GRM6: variants seen among roughly 807,000 people sequenced by gnomAD.
The protein encoded by GRM6 is glutamate metabotropic receptor 6.
GRM6 carries 73 observed loss-of-function variants against 78.4 expected under a neutral mutation model. The ratio of observed to expected loss-of-function variants is 0.93; its 90% CI spans 0.77 to 1.13. The LOEUF is 1.13. Among genes scored for constraint, GRM6 ranks in the 50% most tolerant of loss-of-function variants. The pLI is 0.00. For missense variants in GRM6, 1,251 were observed against 1,256.4 expected, an observed-to-expected ratio of 1.00 and a Z score of 0.07; for synonymous variants, 580 against 555.0, an observed-to-expected ratio of 1.05 and a Z score of -0.63.
At chr5:178,982,004 G>A (rs1760404745) in intron 10 of GRM6, 150 bp from the exon 11 acceptor site, 2 of 729,870 alleles carry the variant, frequency 2.7e-6, no homozygotes, top group African/African-American at 3.4e-5. Flanking sequence ...TATGAGCAGG[G>A]GCCCCGCGCC....
Position 178,992,001 on chromosome 5 carries a change from G to A in GRM6, c.587C>T (p.Pro196Leu), listed in dbSNP as rs778017819. The change falls in exon 3 of 11, where the codon CCC becomes CTC. Residue 196 changes from proline (P) to leucine (L), a missense_variant. By Grantham distance (98) the Pro-to-Leu change is moderately conservative. Transcript: ENST00000517717. This position sits in a 1 kb window ranked among gnomAD's most constrained non-coding sequence, Gnocchi z 4.9. ...RYDFFSRVVPPDSYQAQAMVD... is the reference protein window; with the variant it reads ...RYDFFSRVVPLDSYQAQAMVD... ...CATGGCCTGCGCCTGGTAGGAGTCG[G>A]GTGGCACCACCCGGGAGAAGAAGTC... 1 of 1,614,104 alleles carries A rather than the reference G, an allele frequency of 6.2e-7. No homozygotes were observed. The highest frequency in any genetic ancestry group is 2.2e-5 in the East Asian group (1 of 44,874).
chr5:178,981,544 G>C lies in GRM6; in HGVS notation c.*113C>G, dbSNP rs1290309977. 1.2e-6 allele frequency: 1 copy of C among 822,232 alleles called. No homozygotes were observed. The highest frequency in any genetic ancestry group is 2.0e-6 in the Non-Finnish European group (1 of 505,920). The allele number at this position is 822,232 out of a possible 1,614,324, so 50.9% of individuals were successfully genotyped here. ...CCCACCGACGCGGAGCATGGTCTTG[G>C]CAAACTCCCTGCCACTGACTGTTCA... On this transcript the variant is annotated 3_prime_UTR_variant, in exon 11 of 11. Coordinates refer to ENST00000517717, the MANE Select transcript of GRM6 (RefSeq NM_000843.4). This position sits in a 1 kb window ranked among gnomAD's most constrained non-coding sequence, Gnocchi z 5.1.
At position 178,994,770 on chromosome 5, in the gene GRM6, G is replaced by GCCCGCACGCCCGGCCCGCCGCGC. The variant is rs1760743459; in HGVS notation, c.152_174dup (p.Gln59AlafsTer10). The GCCCGCACGCCCGGCCCGCCGCGC allele has an allele frequency of 1.5e-6, 2 of 1,364,204 alleles. No individual in the cohort carries two copies. Among genetic ancestry groups the GCCCGCACGCCCGGCCCGCCGCGC allele is most frequent in the African/African-American group, 1.5e-5 (1 of 66,122 alleles). 84.5% of individuals were successfully genotyped at this position (1,364,204 alleles called of 1,614,324 possible). On this transcript the variant is annotated frameshift_variant, in exon 2 of 11. Coordinates refer to ENST00000517717, the MANE Select transcript of GRM6 (RefSeq NM_000843.4). LOFTEE classifies it high-confidence loss of function. Reference sequence around the variant, plus strand: ...TGCACGCCCTGCTCCTTCTTCAGCTGCCCGCACGCCCGGCCCGCCGCGCCC... The same window carrying GCCCGCACGCCCGGCCCGCCGCGC: ...TGCACGCCCTGCTCCTTCTTCAGCTGCCCGCACGCCCGGCCCGCCGCGCCCCGCACGCCCGGCCCGCCGCGCCC...
rs754475767 is a variant in GRM6 at position 178,981,828 on chromosome 5, G to T, written c.2463C>A (p.Thr821=). ...CCGAGGCACTCAGGCTCAAGGACAC[G>T]GTTAGCGTGGTTGTCTGGATGTAGA... ...EKIYIQTTTL[T]VSLSLSASVS... is the part of the protein sequence containing the mutation. The change falls in exon 11 of 11, where the codon ACC becomes ACA. Residue 821 remains threonine, a synonymous_variant. Coordinates refer to ENST00000517717, the MANE Select transcript of GRM6 (RefSeq NM_000843.4). The surrounding 1 kb of genome is among the most constrained non-coding windows in gnomAD (Gnocchi z 5.1). The T allele has an allele frequency of 6.2e-7, 1 of 1,612,360 alleles. No individual in the cohort carries two copies. Among genetic ancestry groups the T allele is most frequent in the East Asian group, 2.2e-5 (1 of 44,858 alleles).
chr5:178,989,211 A>AGCCCCCCC, intron 6 of GRM6, 54 bp downstream of exon 6: 4 of 121,696 alleles, frequency 3.3e-5, no homozygotes, highest in Non-Finnish European at 5.3e-5. Flanking sequence ...CCCCCTCCCC[A>AGCCCCCCC]CCCTCACCAC....
Position 178,983,191 on chromosome 5 carries a change from G to A in GRM6, c.2155C>T (p.Arg719Trp), listed in dbSNP as rs553937496. 5.6e-6 allele frequency: 9 copies of A among 1,612,714 alleles called. No individual in the cohort carries two copies. The highest frequency in any genetic ancestry group is 4.5e-5 in the East Asian group (2 of 44,860). The change falls in exon 10 of 11, where the codon CGG becomes TGG. Residue 719 changes from arginine (R) to tryptophan (W), a missense_variant. Physicochemically the swap from Arg to Trp is moderately radical, Grantham distance 101. Transcript: ENST00000517717. ...VVGMIAWLGA[R>W]PPHSVIDYEE... is the part of the protein sequence containing the mutation. ...TAGTCAATCACGCTGTGTGGGGGCC[G>A]GGCCCCCAGCCATGCTATCATCCCC...
intron 9 of GRM6, among the ~76,000 whole-genome samples, chr5:178,984,747 G>A (rs948732585): frequency 7.2e-5 from 11 of 152,226 alleles, no homozygotes; most frequent in African/African-American, 1.7e-4. Context: ...TCCTAGTCAC[G>A]GAGAACTGCA....
At chr5:178,985,294 C>T (rs180880677) in intron 9 of GRM6, 21 of 456,064 alleles carry the variant, frequency 4.6e-5, no homozygotes, top group Admixed American at 3.8e-4. Flanking sequence ...TCTGGAGGCC[C>T]ACACTCCCCA....
In GRM6 at chr5:178,981,255, A is replaced by G. The variant is rs1281149314; in HGVS notation, c.*402T>C. ...AACCCCATGTTTCATTCTGGGGTCTACACGTTCTTCCACACTGCCCAATCC... is the reference window on the plus strand; with the variant it reads ...AACCCCATGTTTCATTCTGGGGTCTGCACGTTCTTCCACACTGCCCAATCC... On this transcript the variant is annotated 3_prime_UTR_variant, in exon 11 of 11. Transcript: ENST00000517717. The surrounding 1 kb of genome is among the most constrained non-coding windows in gnomAD (Gnocchi z 5.1). The G allele has an allele frequency of 1.3e-5, 3 of 223,782 alleles. No homozygotes were observed. The highest frequency in any genetic ancestry group is 6.8e-5 in the African/African-American group (3 of 43,984). 13.9% of individuals were successfully genotyped at this position (223,782 alleles called of 1,614,324 possible).
rs1760693993 is a variant in GRM6 at position 178,992,348 on chromosome 5, G to A, written c.505-265C>T. 1.6e-6 allele frequency: 1 copy of A among 611,950 alleles called. No homozygotes were observed. The highest frequency in any genetic ancestry group is 3.1e-6 in the Non-Finnish European group (1 of 326,438). The allele number at this position is 611,950 out of a possible 1,614,324, so 37.9% of individuals were successfully genotyped here. ...TGGGAGGTATGCAGGGCTGGGGAGA[G>A]GGCAGGACCGCCACATATACTGGTA... On this transcript the variant is annotated intron_variant, in intron 2 of 10. Transcript: ENST00000517717. This position sits in a 1 kb window ranked among gnomAD's most constrained non-coding sequence, Gnocchi z 4.9.
In GRM6 at chr5:178,994,872, CCGCCTGCGCCAGCCA is replaced by C. The variant is rs1189206125; in HGVS notation, c.58_72del (p.Trp20_Ala24del). The C allele has an allele frequency of 2.0e-4, 240 of 1,205,028 alleles. No individual in the cohort carries two copies. In the African/African-American group the frequency reaches 3.6e-3, roughly 18 times the overall value. The allele number at this position is 1,205,028 out of a possible 1,614,324, so 74.6% of individuals were successfully genotyped here. Reference sequence around the variant, plus strand: ...ACAGAGCCCGCCGCGCGCGCCAGGCCCGCCTGCGCCAGCCACGCCAGCGGCAGCAGCGCCACGAGC... The same window carrying C: ...ACAGAGCCCGCCGCGCGCGCCAGGCCCGCCAGCGGCAGCAGCGCCACGAGC... On this transcript the variant is annotated inframe_deletion, in exon 2 of 11. Transcript: ENST00000517717.
chr5:178,989,674 A>C, intron 5 of GRM6: 1 of 557,566 alleles, frequency 1.8e-6, no homozygotes. Flanking sequence ...CCAGGGTAGC[A>C]CTTACATGCT....
chr5:178,991,557 C>T lies in GRM6; in HGVS notation c.724G>A (p.Gly242Arg), dbSNP rs371175421. The change falls in exon 4 of 11, where the codon GGG (glycine) becomes AGG (arginine). Residue 242 changes from glycine (G) to arginine (R), a missense_variant and splice_region_variant. Physicochemically the swap from Gly to Arg is moderately radical, Grantham distance 125. Transcript: ENST00000517717. The surrounding 1 kb of genome is among the most constrained non-coding windows in gnomAD (Gnocchi z 5.0). ...AFVQISREAG[G>R]VCIAQSIKIP... ...TTGATAGACTGGGCAATACAGACCC[C>T]CCCTGGGCGTTGGGGGTGCCAGAGT... The T allele has an allele frequency of 1.9e-6, 3 of 1,613,788 alleles. No individual in the cohort carries two copies. The highest frequency in any genetic ancestry group is 1.7e-6 in the Non-Finnish European group (2 of 1,179,826).
chr5:178,983,105 C>T lies in GRM6; in HGVS notation c.2241G>A (p.Ser747=), dbSNP rs556324769. The change falls in exon 10 of 11, where the codon TCG becomes TCA. Residue 747 remains serine (S), a synonymous_variant. Transcript: ENST00000517717. The part of the protein sequence containing the change: ...QARGVLKCDM[S]DLSLIGCLGY... ...CCAGGCAGCCGATGAGAGACAGATCCGACATGTCGCACTTGAGCACCCCTC... is the reference window on the plus strand; with the variant it reads ...CCAGGCAGCCGATGAGAGACAGATCTGACATGTCGCACTTGAGCACCCCTC... The T allele has an allele frequency of 1.5e-5, 24 of 1,613,958 alleles. No individual in the cohort carries two copies. Among genetic ancestry groups the T allele is most frequent in the East Asian group, 4.5e-5 (2 of 44,872 alleles).
chr5:178,983,245 GAC>G (rs1034756106), intron 9 of GRM6, 24 bp from the exon 10 acceptor site: 6 of 1,595,526 alleles, frequency 3.8e-6, no homozygotes, highest in African/African-American at 2.7e-5. Flanking sequence ...CACTGCATCA[GAC>G]ACAGCACTTT....
Position 178,991,656 on chromosome 5 carries a change from C to A in GRM6, c.722-97G>T, listed in dbSNP as rs1760677327. On this transcript the variant is annotated intron_variant, in intron 3 of 10. Coordinates refer to ENST00000517717, the MANE Select transcript of GRM6 (RefSeq NM_000843.4). The surrounding 1 kb of genome is among the most constrained non-coding windows in gnomAD (Gnocchi z 5.0). ...GGACTGTGTAGGCTGGCTGAAGGGT[C>A]TGCAGGGGTGAAGTCTGGCCTGCAC... The A allele has an allele frequency of 1.4e-6, 2 of 1,388,178 alleles. No individual in the cohort carries two copies. Among genetic ancestry groups the A allele is most frequent in the South Asian group, 1.2e-5 (1 of 86,342 alleles). The allele number at this position is 1,388,178 out of a possible 1,614,324, so 86.0% of individuals were successfully genotyped here.
rs1760395230 is a variant in GRM6, at chr5:178,981,572, G to C, written c.*85C>G. On this transcript the variant is annotated 3_prime_UTR_variant, in exon 11 of 11. Coordinates refer to ENST00000517717, the MANE Select transcript of GRM6 (RefSeq NM_000843.4). This position sits in a 1 kb window ranked among gnomAD's most constrained non-coding sequence, Gnocchi z 5.1. ...AACTCCCTGCCACTGACTGTTCACC[G>C]TGGACCCGGGCTCTATACAGCTTCC... The C allele has an allele frequency of 8.5e-6, 9 of 1,063,506 alleles. 1 individual carries two copies. The South Asian group carries it at 1.2e-4, about 15-fold the overall frequency. The allele number at this position is 1,063,506 out of a possible 1,614,324, so 65.9% of individuals were successfully genotyped here.
At position 178,992,229 on chromosome 5, in the gene GRM6, G is replaced by A. The variant is rs1351088079; in HGVS notation, c.505-146C>T. The A allele has an allele frequency of 7.1e-6, 5 of 709,068 alleles. No homozygotes were observed. The highest frequency in any genetic ancestry group is 5.4e-5 in the East Asian group (2 of 37,192). 43.9% of individuals were successfully genotyped at this position (709,068 alleles called of 1,614,324 possible). A position where few individuals can be genotyped will look rare whatever the true frequency, so the allele number is the denominator to read the frequency against. On this transcript the variant is annotated intron_variant, in intron 2 of 10. Transcript: ENST00000517717. This position sits in a 1 kb window ranked among gnomAD's most constrained non-coding sequence, Gnocchi z 4.9. ...AGATGGGAGATGGAAGGGTTGGGGT[G>A]GGGACCTGGGGCCAGCTGGAGCAGC... is the stretch of plus-strand genomic sequence containing the variant.
At position 178,991,592 on chromosome 5, in the gene GRM6, T is replaced by TACCCCC; in HGVS notation, c.722-34_722-33insGGGGGT. 1 of 1,605,624 alleles carries TACCCCC rather than the reference T, an allele frequency of 6.2e-7. No individual in the cohort carries two copies. Among genetic ancestry groups the TACCCCC allele is most frequent in the Non-Finnish European group, 8.5e-7 (1 of 1,173,438 alleles). ...TTGGGGGTGCCAGAGTCAGCTTCCGTCCCACCCACCCACACACCCACCTGG... is the reference window on the plus strand; with the variant it reads ...TTGGGGGTGCCAGAGTCAGCTTCCGTACCCCCCCCACCCACCCACACACCCACCTGG... On this transcript the variant is annotated intron_variant, in intron 3 of 10. Coordinates refer to ENST00000517717, the MANE Select transcript of GRM6 (RefSeq NM_000843.4). The surrounding 1 kb of genome is among the most constrained non-coding windows in gnomAD (Gnocchi z 5.0).
Sources: allele counts gnomAD v4.1 joint callset (sites outside exome capture counted in the v4.1 genomes callset), GRCh38; gene constraint gnomAD v4.1.1; non-coding constraint Gnocchi (gnomAD v3.1); transcripts MANE v1.5; gene names NCBI Gene and HGNC (gene_info 2026-07-23, HGNC 2026-07-21).